The following E2F5 variants were observed in gnomAD, a reference collection of about 807,000 sequenced individuals.
E2F5 encodes the protein transcription factor E2F5.
E2F5 carries 23 observed loss-of-function variants against 39.1 expected under a neutral mutation model. The ratio of observed to expected loss-of-function variants is 0.59; its 90% CI spans 0.42 to 0.83. E2F5 has a LOEUF of 0.83. Ranked by LOEUF, E2F5 falls within the 40% of genes least tolerant of loss-of-function variation. The probability of loss-of-function intolerance (pLI) is 0.00; values close to 1 mark genes in which losing one functional copy is unlikely to be tolerated. For synonymous variants in E2F5, 145 were observed against 157.8 expected, an observed-to-expected ratio of 0.92 and a Z score of 0.61; for missense variants, 365 against 406.7, an observed-to-expected ratio of 0.90 and a Z score of 0.88.
intron 1 of E2F5, among the ~76,000 whole-genome samples, chr8:85,197,367 T>A (rs4150919): frequency 4.0e-4 from 61 of 152,318 alleles, no homozygotes; most frequent in African/African-American, 1.3e-3. Context: ...ATAATGTTTC[T>A]CCCTATCCAG....
chr8:85,188,870 G>T (rs1367278593), intron 1 of E2F5, among the ~76,000 whole-genome samples: 1 of 152,108 alleles, frequency 6.6e-6, no homozygotes, highest in African/African-American at 2.4e-5. Context: ...GGATGACGGG[G>T]TAATATAAAA....
chr8:85,206,532 G>T (rs929697085), intron 4 of E2F5, among the ~76,000 whole-genome samples: 24 of 152,154 alleles, frequency 1.6e-4, no homozygotes. Context: ...CAGTCACAGA[G>T]TTAGTGACCA....
chr8:85,196,321 CTCTTA>C (rs1401171577), intron 1 of E2F5, among the ~76,000 whole-genome samples: 2 of 152,144 alleles, frequency 1.3e-5, no homozygotes, highest in African/African-American at 4.8e-5. Context: ...ATTTTTCTAT[CTCTTA>C]TAACATTTTG....
At chr8:85,204,667 A>G (rs1390370440) in intron 3 of E2F5, among the ~76,000 whole-genome samples, 2 of 151,880 alleles carry the variant, frequency 1.3e-5, no homozygotes, top group African/African-American at 2.4e-5. Flanking sequence ...CGTTGTGCAC[A>G]TGTACCCTAA....
intron 7 of E2F5, 166 bp from the exon 8 acceptor site, chr8:85,213,587 T>G: frequency 2.8e-6 from 1 of 362,722 alleles, no homozygotes; most frequent in Non-Finnish European, 4.9e-6. Context: ...TGTTTCTCAA[T>G]CTAATATCAA....
intron 1 of E2F5, among the ~76,000 whole-genome samples, chr8:85,182,310 G>A (rs1222655821): frequency 6.6e-6 from 1 of 152,132 alleles, no homozygotes; most frequent in African/African-American, 2.4e-5. Flanking sequence ...TGAACATTTC[G>A]GCAGAACAGC....
rs1179381057 is a variant in E2F5, at chr8:85,214,241, T to G, written c.*379T>G. 7.3e-6 allele frequency: 4 copies of G among 550,884 alleles called. No individual in the cohort carries two copies. The highest frequency in any genetic ancestry group is 1.4e-5 in the Non-Finnish European group (4 of 291,186). The allele number at this position is 550,884 out of a possible 1,614,324, so 34.1% of individuals were successfully genotyped here. On this transcript the variant is annotated 3_prime_UTR_variant, in exon 8 of 8. Transcript: ENST00000416274. Reference sequence around the variant, plus strand: ...ACTTGTCTTATATTTTTACTGCCACTAAACTGCCTGTATTTCTGTATGTCC... The same window carrying G: ...ACTTGTCTTATATTTTTACTGCCACGAAACTGCCTGTATTTCTGTATGTCC...
chr8:85,192,600 G>A (rs2129676201), intron 1 of E2F5, among the ~76,000 whole-genome samples: 1 of 152,282 alleles, frequency 6.6e-6, no homozygotes, highest in South Asian at 2.1e-4. Flanking sequence ...GATGCAACAG[G>A]ACTTAATAGT....
chr8:85,203,353 T>C (rs1812733150), intron 3 of E2F5, 98 bp downstream of exon 3: 3 of 988,308 alleles, frequency 3.0e-6, no homozygotes, highest in Non-Finnish European at 4.0e-6. Flanking sequence ...TTTTAGACAG[T>C]TAAGTTTTAT....
chr8:85,178,524 G>A, intron 1 of E2F5, among the ~76,000 whole-genome samples: 1 of 152,190 alleles, frequency 6.6e-6, no homozygotes, highest in Admixed American at 6.5e-5. Context: ...AGGATAATGA[G>A]AATGTGGTCA....
chr8:85,179,563 A>G (rs559720947), intron 1 of E2F5, among the ~76,000 whole-genome samples: 8 of 152,204 alleles, frequency 5.3e-5, no homozygotes, highest in Admixed American at 5.2e-4. Flanking sequence ...AAGAGTTTGA[A>G]TGTCTTTAGT....
At chr8:85,185,790 G>A (rs763937691) in intron 1 of E2F5, among the ~76,000 whole-genome samples, 6 of 152,168 alleles carry the variant, frequency 3.9e-5, no homozygotes, top group South Asian at 2.1e-4. Flanking sequence ...GGAAAAATGC[G>A]AATCAAAACC....
chr8:85,180,382 C>G (rs10091710), intron 1 of E2F5, among the ~76,000 whole-genome samples: 96,173 of 151,156 alleles, frequency 0.64, 31,260 homozygotes, highest in Non-Finnish European at 0.69. Flanking sequence ...TATAAATTTC[C>G]TCTAATTTGA....
At chr8:85,210,701 T>TC (rs1469951890) in intron 6 of E2F5, among the ~76,000 whole-genome samples, 4 of 151,030 alleles carry the variant, frequency 2.6e-5, no homozygotes, top group African/African-American at 4.9e-5. Context: ...GAAAATGTAG[T>TC]CCTTAAAAAG....
In E2F5 at chr8:85,207,446, A is replaced by T; in HGVS notation, c.572A>T (p.Gln191Leu). 1 of 1,561,516 alleles carries T rather than the reference A, an allele frequency of 6.4e-7. No individual in the cohort carries two copies. The highest frequency in any genetic ancestry group is 1.2e-5 in the South Asian group (1 of 84,780). ...CFNGDTLLAI[Q>L]APSGTQLEVP... Reference sequence around the variant, plus strand: ...CCAGGTGATACACTTTTGGCCATTCAGGCACCTTCTGGTACACAACTGGAG... The same window carrying T: ...CCAGGTGATACACTTTTGGCCATTCTGGCACCTTCTGGTACACAACTGGAG... The change falls in exon 5 of 8, where the codon CAG becomes CTG. Residue 191 changes from glutamine (Q) to leucine (L), a missense_variant. Gln to Leu is a moderately radical substitution (Grantham distance 113). Coordinates refer to ENST00000416274, the MANE Select transcript of E2F5 (RefSeq NM_001951.4).
intron 1 of E2F5, chr8:85,200,421 A>G (rs1186921911): frequency 2.1e-6 from 1 of 477,482 alleles, no homozygotes; most frequent in Non-Finnish European, 2.7e-6. Flanking sequence ...GTTAAGCAGT[A>G]ATAAATATAA....
chr8:85,194,535 T>C lies in E2F5; in HGVS notation c.235-7612T>C, dbSNP rs529921776. On this transcript the variant is annotated intron_variant, in intron 1 of 7. Transcript: ENST00000416274. ...TTGTTGTTTTTTTGTTTGTTTCTCT[T>C]TTTTTTTTTTTTTTTTTGAGACAGA... is the stretch of plus-strand genomic sequence containing the variant. Among the ~76,000 whole-genome samples the C allele has an allele frequency of 3.2e-4, 45 of 140,186 alleles. No homozygotes were observed. The South Asian group carries it at 8.0e-3, about 25-fold the overall frequency. 92.0% of individuals were successfully genotyped at this position (140,186 alleles called of 152,430 possible).
intron 6 of E2F5, among the ~76,000 whole-genome samples, chr8:85,211,249 A>T (rs944659301): frequency 2.0e-5 from 3 of 151,534 alleles, no homozygotes; most frequent in African/African-American, 7.3e-5. Flanking sequence ...AAAAATTAAA[A>T]ATTAGCTAGG....
intron 1 of E2F5, among the ~76,000 whole-genome samples, chr8:85,184,223 G>T (rs4150857): frequency 6.6e-6 from 1 of 152,088 alleles, no homozygotes; most frequent in African/African-American, 2.4e-5. Flanking sequence ...TTCAACATAC[G>T]CAAATCAATA....
Sources: allele counts gnomAD v4.1 joint callset (sites outside exome capture counted in the v4.1 genomes callset), GRCh38; gene constraint gnomAD v4.1.1; transcripts MANE v1.5; gene names NCBI Gene and HGNC (gene_info 2026-07-23, HGNC 2026-07-21).